CHODL: variants seen among roughly 807,000 people sequenced by gnomAD.
CHODL encodes the protein transmembrane protein MT75.
In CHODL, 29 loss-of-function variants were observed where a neutral mutation model predicts 34.5. That is an observed-to-expected ratio of 0.84 (90% CI 0.63 to 1.15). CHODL has a LOEUF of 1.15. Among genes scored for constraint, CHODL ranks in the 50% most tolerant of loss-of-function variants. The probability of loss-of-function intolerance (pLI) is 0.00; values close to 1 mark genes in which losing one functional copy is unlikely to be tolerated. For missense variants in CHODL, 332 were observed against 332.5 expected, an observed-to-expected ratio of 1.00 and a Z score of 0.01; for synonymous variants, 125 against 116.1, an observed-to-expected ratio of 1.08 and a Z score of -0.49.
intron 1 of CHODL, among the ~76,000 whole-genome samples, chr21:17,991,394 A>G (rs1282834294): frequency 6.6e-6 from 1 of 152,064 alleles, no homozygotes; most frequent in Non-Finnish European, 1.5e-5. Flanking sequence ...GTTTTCTATA[A>G]TGGATGTATT....
At chr21:18,018,837 G>A (rs158053) in intron 1 of CHODL, among the ~76,000 whole-genome samples, 6,356 of 152,248 alleles carry the variant, frequency 0.042, 422 homozygotes, top group African/African-American at 0.14. Flanking sequence ...AAAAACTGAA[G>A]TTTATAAAGC....
In CHODL at chr21:17,955,594, A is replaced by G. The variant is rs926683007; in HGVS notation, c.-145+38194A>G. Among the ~76,000 whole-genome samples the G allele has an allele frequency of 1.1e-4, 15 of 137,080 alleles. 2 individuals are homozygous for G. Among genetic ancestry groups the G allele is most frequent in the African/African-American group, 3.7e-4 (15 of 40,038 alleles). The allele number at this position is 137,080 out of a possible 152,430, so 89.9% of individuals were successfully genotyped here. A position where few individuals can be genotyped will look rare whatever the true frequency, so the allele number is the denominator to read the frequency against. On this transcript the variant is annotated intron_variant, in intron 1 of 6. Transcript: ENST00000400127. ...CCAGGGGAGTACTAATGCAGAAACC[A>G]TGAGACCAGCTTATCTTAGAGTTGC...
chr21:18,195,237 G>A (rs1430926945), intron 2 of CHODL, among the ~76,000 whole-genome samples: 1 of 151,898 alleles, frequency 6.6e-6, no homozygotes, highest in Non-Finnish European at 1.5e-5. Context: ...TGTATTTTTA[G>A]TAGAGATGGG....
At chr21:17,930,135 C>A (rs1568803001) in intron 1 of CHODL, among the ~76,000 whole-genome samples, 1 of 151,922 alleles carries the variant, frequency 6.6e-6, no homozygotes, top group East Asian at 1.9e-4. Flanking sequence ...AGACAGGACA[C>A]CTTTGCACAC....
chr21:18,066,438 C>T (rs2064732702), intron 2 of CHODL, among the ~76,000 whole-genome samples: 1 of 152,118 alleles, frequency 6.6e-6, no homozygotes, highest in Non-Finnish European at 1.5e-5. Flanking sequence ...ATGACCGTCT[C>T]TAGGAATAAA....
In CHODL at chr21:18,044,110, T is replaced by C. The variant is rs2064411390; in HGVS notation, c.-45+16139T>C. Among the ~76,000 whole-genome samples the C allele has an allele frequency of 3.9e-5, 6 of 152,136 alleles. 1 individual carries two copies. The South Asian group carries it at 1.2e-3, about 31-fold the overall frequency. ...CTTTCAGTCCTTTTGAATTCTTCAG[T>C]AAACTGAAGGTAGAAAGTATTGGTA... On this transcript the variant is annotated intron_variant, in intron 2 of 6. Coordinates refer to the CHODL transcript ENST00000400127.
chr21:17,942,948 A>G (rs1356605676), intron 1 of CHODL, among the ~76,000 whole-genome samples: 2 of 152,094 alleles, frequency 1.3e-5, no homozygotes, highest in Non-Finnish European at 2.9e-5. Flanking sequence ...TAGCACTTCT[A>G]CCTTCACTCT....
At chr21:18,265,613 T>TC (rs2074449506) in intron 5 of CHODL, among the ~76,000 whole-genome samples, 1 of 151,980 alleles carries the variant, frequency 6.6e-6, no homozygotes, top group African/African-American at 2.4e-5. Context: ...ATTTCACAAA[T>TC]CACCACTAAA....
rs1000357039 is a variant in CHODL at position 18,068,780 on chromosome 21, C to A, written c.-45+40809C>A. Among the ~76,000 whole-genome samples, 6 of 141,218 alleles carry A rather than the reference C, an allele frequency of 4.2e-5. No homozygotes were observed. The East Asian group carries it at 1.2e-3, about 29-fold the overall frequency. The allele number at this position is 141,218 out of a possible 152,430, so 92.6% of individuals were successfully genotyped here. The stretch of plus-strand genomic sequence containing the variant: ...TCTACTCAATATTATAAGGAAATTT[C>A]TTTTTTTTTTTTTTAACCCTAAACC... On this transcript the variant is annotated intron_variant, in intron 2 of 6. Transcript: ENST00000400127.
At chr21:17,973,231 G>A (rs1401895601) in intron 1 of CHODL, among the ~76,000 whole-genome samples, 1 of 151,966 alleles carries the variant, frequency 6.6e-6, no homozygotes, top group Non-Finnish European at 1.5e-5. Flanking sequence ...ATAGGCATGG[G>A]GAAAGACTTC....
chr21:18,111,119 G>A (rs1011073672), intron 2 of CHODL, among the ~76,000 whole-genome samples: 1 of 152,126 alleles, frequency 6.6e-6, no homozygotes, highest in Non-Finnish European at 1.5e-5. Flanking sequence ...CCATGTATGA[G>A]AGAGATACCA....
chr21:18,068,203 C>CT (rs368623777), intron 2 of CHODL, among the ~76,000 whole-genome samples: 125 of 146,952 alleles, frequency 8.5e-4, no homozygotes, highest in South Asian at 5.0e-3. Flanking sequence ...TTCTTTTTTT[C>CT]TTTTTTTTTT....
chr21:18,053,378 G>A (rs886167966), intron 2 of CHODL, among the ~76,000 whole-genome samples: 6 of 151,886 alleles, frequency 4.0e-5, no homozygotes, highest in African/African-American at 1.4e-4. Context: ...GACCTCAGAA[G>A]ACATTTTGTT....
intron 1 of CHODL, among the ~76,000 whole-genome samples, chr21:18,018,403 G>A (rs1236557762): frequency 6.6e-6 from 1 of 152,120 alleles, no homozygotes; most frequent in African/African-American, 2.4e-5. Flanking sequence ...GGTCATGGGG[G>A]TGAATCCCTC....
intron 1 of CHODL, among the ~76,000 whole-genome samples, chr21:17,978,362 C>T (rs1025393434): frequency 6.8e-6 from 1 of 146,338 alleles, no homozygotes; most frequent in Non-Finnish European, 1.5e-5. Flanking sequence ...GCGGAGCTTG[C>T]AATGAGCCAA....
intron 1 of CHODL, among the ~76,000 whole-genome samples, chr21:17,968,530 A>G (rs2063590547): frequency 6.6e-6 from 1 of 152,192 alleles, no homozygotes; most frequent in Admixed American, 6.5e-5. Flanking sequence ...CCCTTTAATT[A>G]GATTCTGCCC....
At chr21:17,935,435 C>T (rs943624979) in intron 1 of CHODL, among the ~76,000 whole-genome samples, 3 of 152,134 alleles carry the variant, frequency 2.0e-5, no homozygotes, top group Non-Finnish European at 2.9e-5. Context: ...TCCATTACTC[C>T]GTATTTCTTT....
chr21:18,208,555 G>T (rs2073738733), intron 2 of CHODL, among the ~76,000 whole-genome samples: 1 of 152,082 alleles, frequency 6.6e-6, no homozygotes, highest in Admixed American at 6.5e-5. Context: ...ATGTTTGTCG[G>T]TGTCTTTCTG....
At chr21:17,934,235 A>AAT (rs1491390646) in intron 1 of CHODL, among the ~76,000 whole-genome samples, 7 of 50,774 alleles carry the variant, frequency 1.4e-4, no homozygotes, top group Non-Finnish European at 2.6e-4. Flanking sequence ...CTATAAAAAT[A>AAT]AAAAAAAAAA....
Sources: allele counts gnomAD v4.1 joint callset (sites outside exome capture counted in the v4.1 genomes callset), GRCh38; gene constraint gnomAD v4.1.1; transcripts MANE v1.5; gene names NCBI Gene and HGNC (gene_info 2026-07-23, HGNC 2026-07-21).